CSF2: variants seen among roughly 807,000 people sequenced by gnomAD.
The protein encoded by CSF2 is colony stimulating factor 2.
A neutral mutation model predicts 13.5 loss-of-function variants in CSF2; 2 were observed. The ratio of observed to expected loss-of-function variants is 0.15; its 90% CI spans 0.06 to 0.47. CSF2 has a LOEUF of 0.47. CSF2 is among the 20% of genes least tolerant of loss of function. CSF2 has a pLI of 0.97. For synonymous variants in CSF2, 66 were observed against 69.2 expected, an observed-to-expected ratio of 0.95 and a Z score of 0.23; for missense variants, 141 against 179.7, an observed-to-expected ratio of 0.78 and a Z score of 1.23.
intron 2 of CSF2, among the ~76,000 whole-genome samples, chr5:132,074,555 T>C (rs1756676267): frequency 6.6e-6 from 1 of 152,090 alleles, no homozygotes. Context: ...CCCTGAATGA[T>C]GGGGTGAGAG....
chr5:132,075,715 CA>C, intron 3 of CSF2, 29 bp from the exon 4 acceptor site: 2 of 1,541,350 alleles, frequency 1.3e-6, no homozygotes, highest in Non-Finnish European at 1.8e-6. Context: ...TGCCTGGACT[CA>C]AGTGTTTTTT....
intron 3 of CSF2, 86 bp from the exon 4 acceptor site, chr5:132,075,659 G>C: frequency 9.5e-7 from 1 of 1,052,404 alleles, no homozygotes; most frequent in Non-Finnish European, 1.4e-6. Flanking sequence ...GTTCTAAGAG[G>C]CAGTAGAGAA....
Position 132,075,782 on chromosome 5 carries a change from G to T in CSF2, c.365G>T (p.Ser122Ile). 1 of 1,610,792 alleles carries T rather than the reference G, an allele frequency of 6.2e-7. No homozygotes were observed. The change falls in exon 4 of 4, where the codon AGT (serine) becomes ATT (isoleucine). Residue 122 changes from serine (S) to isoleucine (I), a missense_variant. Ser to Ile is a moderately radical substitution (Grantham distance 142). Transcript: ENST00000296871. ...GCAACCCAGATTATCACCTTTGAAA[G>T]TTTCAAAGAGAACCTGAAGGACTTT... ...SCATQIITFESFKENLKDFLL... is the reference protein window; with the variant it reads ...SCATQIITFEIFKENLKDFLL...
At position 132,073,877 on chromosome 5, in the gene CSF2, A is replaced by G; in HGVS notation, c.54A>G (p.Ala18=). 1 of 1,612,950 alleles carries G rather than the reference A, an allele frequency of 6.2e-7. No individual in the cohort carries two copies. Among genetic ancestry groups the G allele is most frequent in the Non-Finnish European group, 8.5e-7 (1 of 1,180,014 alleles). Residue 18 remains alanine (A), a synonymous_variant, in exon 1 of 4, where the codon GCA becomes GCG. Coordinates refer to ENST00000296871, the MANE Select transcript of CSF2 (RefSeq NM_000758.4). ...GCACTGTGGCCTGCAGCATCTCTGC[A>G]CCCGCCCGCTCGCCCAGCCCCAGCA... ...LLGTVACSIS[A]PARSPSPSTQ...
In CSF2 at chr5:132,075,981, G is replaced by A. The variant is rs1455674865; in HGVS notation, c.*129G>A. On this transcript the variant is annotated 3_prime_UTR_variant, in exon 4 of 4. Transcript: ENST00000296871. ...GCCATGGTGGGAGTGGCCTGGACCTGCCCTGGGCCACACTGACCCTGATAC... is the reference window on the plus strand; with the variant it reads ...GCCATGGTGGGAGTGGCCTGGACCTACCCTGGGCCACACTGACCCTGATAC... 25 of 755,504 alleles carry A rather than the reference G, an allele frequency of 3.3e-5. No individual in the cohort carries two copies. In the Admixed American group the frequency reaches 4.6e-4, roughly 14 times the overall value. 46.8% of individuals were successfully genotyped at this position (755,504 alleles called of 1,614,324 possible).
chr5:132,074,021 G>C (rs550408367), intron 1 of CSF2, 39 bp downstream of exon 1: 1 of 1,613,760 alleles, frequency 6.2e-7, no homozygotes, highest in African/African-American at 1.3e-5. Flanking sequence ...AGGCCACCCA[G>C]CTGGCCCCTG....
At chr5:132,074,977 C>A (rs748375039) in intron 3 of CSF2, 42 bp downstream of exon 3, 1 of 1,612,314 alleles carries the variant, frequency 6.2e-7, no homozygotes, top group Admixed American at 1.7e-5. Context: ...ATGTCTTAAT[C>A]TAGGGGGTGG....
chr5:132,073,986 A>T lies in CSF2; in HGVS notation c.159+4A>T. 1.2e-6 allele frequency: 2 copies of T among 1,613,630 alleles called. No homozygotes were observed. The highest frequency in any genetic ancestry group is 1.7e-6 in the Non-Finnish European group (2 of 1,180,032). On this transcript the variant is annotated splice_donor_region_variant and intron_variant, in intron 1 of 3. Transcript: ENST00000296871. ...TAGAGACACTGCTGCTGAGATGGTA[A>T]GTGAGAGAATGTGGGCCTGTGCCTA...
Position 132,073,793 on chromosome 5 carries a change from C to T in CSF2, c.-31C>T. 6.2e-7 allele frequency: 1 copy of T among 1,611,328 alleles called. No homozygotes were observed. The highest frequency in any genetic ancestry group is 8.5e-7 in the Non-Finnish European group (1 of 1,179,936). On this transcript the variant is annotated 5_prime_UTR_variant, in exon 1 of 4. Transcript: ENST00000296871. The stretch of plus-strand genomic sequence containing the variant: ...AGCTCTTTTGCCAGTGAGCCCAGTA[C>T]ACAGAGAGAAAGGCTAAAGTTCTCT...
chr5:132,074,386 G>A (rs551318109), intron 2 of CSF2, among the ~76,000 whole-genome samples: 5 of 152,316 alleles, frequency 3.3e-5, no homozygotes, highest in South Asian at 2.1e-4. Context: ...GTGGTAAAGT[G>A]GGGGTCACTT....
chr5:132,074,206 C>A, intron 2 of CSF2, 84 bp downstream of exon 2: 2 of 1,460,810 alleles, frequency 1.4e-6, no homozygotes, highest in African/African-American at 1.4e-5. Context: ...TGGCACCACA[C>A]AGGGTTGTCC....
chr5:132,074,837 G>C lies in CSF2; in HGVS notation c.229G>C (p.Glu77Gln), dbSNP rs781561103. 1.9e-6 allele frequency: 3 copies of C among 1,613,826 alleles called. No individual in the cohort carries two copies. The highest frequency in any genetic ancestry group is 2.5e-6 in the Non-Finnish European group (3 of 1,180,018). The change falls in exon 3 of 4, where the codon GAG (glutamate) becomes CAG (glutamine). Residue 77 changes from glutamate (E) to glutamine (Q), a missense_variant. Glu to Gln is a conservative substitution (Grantham distance 29). Coordinates refer to ENST00000296871, the MANE Select transcript of CSF2 (RefSeq NM_000758.4). ...QEPTCLQTRL[E>Q]LYKQGLRGSL... ...GCCGACCTGCCTACAGACCCGCCTG[G>C]AGCTGTACAAGCAGGGCCTGCGGGG... is the stretch of plus-strand genomic sequence containing the variant.
At chr5:132,074,017 C>T in intron 1 of CSF2, 35 bp downstream of exon 1, 4 of 1,613,724 alleles carry the variant, frequency 2.5e-6, no homozygotes, top group Non-Finnish European at 3.4e-6. Context: ...GCCTAGGCCA[C>T]CCAGCTGGCC....
At chr5:132,075,436 G>A (rs190343884) in intron 3 of CSF2, among the ~76,000 whole-genome samples, 121 of 152,342 alleles carry the variant, frequency 7.9e-4, no homozygotes, top group Non-Finnish European at 1.3e-3. Context: ...GCCCAGAGAC[G>A]ACCTCAGCCC....
intron 3 of CSF2, 122 bp downstream of exon 3, chr5:132,075,057 T>C (rs1048929461): frequency 9.6e-6 from 14 of 1,457,382 alleles, no homozygotes; most frequent in Non-Finnish European, 1.1e-5. Flanking sequence ...CCAACAGTTA[T>C]GTAATGATTA....
intron 1 of CSF2, 45 bp downstream of exon 1, chr5:132,074,027 C>T: frequency 6.2e-7 from 1 of 1,613,692 alleles, no homozygotes; most frequent in Non-Finnish European, 8.5e-7. Context: ...CCCAGCTGGC[C>T]CCTGACTGGC....
At chr5:132,075,707 C>A in intron 3 of CSF2, 38 bp from the exon 4 acceptor site, 1 of 1,483,926 alleles carries the variant, frequency 6.7e-7, no homozygotes, top group South Asian at 1.1e-5. Flanking sequence ...TACCCACTTG[C>A]CTGGACTCAA....
Position 132,075,893 on chromosome 5 carries a change from C to A in CSF2, c.*41C>A. 1.4e-6 allele frequency: 2 copies of A among 1,447,890 alleles called. No individual in the cohort carries two copies. The highest frequency in any genetic ancestry group is 2.3e-5 in the East Asian group (1 of 43,896). The allele number at this position is 1,447,890 out of a possible 1,614,324, so 89.7% of individuals were successfully genotyped here. A position where few individuals can be genotyped will look rare whatever the true frequency, so the allele number is the denominator to read the frequency against. ...GCTGGCCAAGCCGGGGAGCTGCTCTCTCATGAAACAAGAGCTAGAAACTCA... is the reference window on the plus strand; with the variant it reads ...GCTGGCCAAGCCGGGGAGCTGCTCTATCATGAAACAAGAGCTAGAAACTCA... On this transcript the variant is annotated 3_prime_UTR_variant, in exon 4 of 4. Transcript: ENST00000296871.
chr5:132,075,141 G>T (rs768522838), intron 3 of CSF2, among the ~76,000 whole-genome samples: 1 of 152,240 alleles, frequency 6.6e-6, no homozygotes, highest in Non-Finnish European at 1.5e-5. Context: ...AGCCCACAGT[G>T]CTCCCCAGCA....
Sources: gnomAD v4.1 joint callset for allele counts (sites outside exome capture counted in the v4.1 genomes callset) on GRCh38, gnomAD v4.1.1 for gene constraint, MANE v1.5 for transcripts, NCBI Gene and HGNC (gene_info 2026-07-23, HGNC 2026-07-21) for gene names.